Variants in SBF2 observed in about 807,000 individuals in gnomAD.
SBF2 encodes the protein SET binding factor 2.
SBF2 carries 112 observed loss-of-function variants against 225.2 expected under a neutral mutation model. The observed-to-expected ratio is 0.50, with a 90% CI of 0.43 to 0.58. SBF2 has a LOEUF of 0.58. Among genes scored for constraint, SBF2 ranks in the 20% least tolerant of loss-of-function variants. The pLI, the probability that SBF2 is intolerant of heterozygous loss-of-function variation, is 0.00. For missense variants in SBF2, 1,996 were observed against 2,206.2 expected, an observed-to-expected ratio of 0.90 and a Z score of 1.91; for synonymous variants, 763 against 773.3, an observed-to-expected ratio of 0.99 and a Z score of 0.22.
chr11:10,014,666 G>T (rs1948586889), intron 6 of SBF2, among the ~76,000 whole-genome samples: 1 of 152,010 alleles, frequency 6.6e-6, no homozygotes, highest in East Asian at 1.9e-4. Context: ...TTATTTGAAT[G>T]ACAGTAGAGT....
At chr11:10,102,683 A>T (rs1381503364) in intron 2 of SBF2, among the ~76,000 whole-genome samples, 1 of 152,160 alleles carries the variant, frequency 6.6e-6, no homozygotes, top group East Asian at 1.9e-4. Context: ...AAGTTGGCTA[A>T]GGTTTGAAGG....
At chr11:10,202,189 C>G (rs1420285342) in intron 1 of SBF2, among the ~76,000 whole-genome samples, 1 of 152,212 alleles carries the variant, frequency 6.6e-6, no homozygotes, top group African/African-American at 2.4e-5. Context: ...GCTGTGAAAA[C>G]TATATGGTTG....
chr11:9,887,798 T>C (rs1225401977), intron 17 of SBF2, among the ~76,000 whole-genome samples: 2 of 150,984 alleles, frequency 1.3e-5, no homozygotes, highest in Non-Finnish European at 2.9e-5. Flanking sequence ...CATCACCCAC[T>C]CCCTCCCCTA....
intron 2 of SBF2, among the ~76,000 whole-genome samples, chr11:10,175,079 G>A (rs982620028): frequency 4.6e-5 from 7 of 151,500 alleles, no homozygotes; most frequent in East Asian, 1.9e-4. Context: ...AAAGACCATC[G>A]AGACTAGGAA....
chr11:10,171,889 G>C (rs1472524520), intron 2 of SBF2, among the ~76,000 whole-genome samples: 3 of 152,002 alleles, frequency 2.0e-5, no homozygotes, highest in African/African-American at 7.2e-5. Flanking sequence ...GTAAATCTCT[G>C]GGAATTTATC....
At chr11:9,928,883 G>T in intron 16 of SBF2, 4 of 333,440 alleles carry the variant, frequency 1.2e-5, no homozygotes, top group African/African-American at 2.1e-5. Flanking sequence ...TTCATTTCAT[G>T]TTTTAGACTA....
chr11:10,107,977 A>G (rs1208520298), intron 2 of SBF2, among the ~76,000 whole-genome samples: 1 of 152,212 alleles, frequency 6.6e-6, no homozygotes, highest in African/African-American at 2.4e-5. Flanking sequence ...AATTGCAAAG[A>G]GGCATGAGAA....
At chr11:10,194,052 TCTTA>T (rs999740370) in intron 1 of SBF2, 65 bp from the exon 2 acceptor site, 6 of 979,216 alleles carry the variant, frequency 6.1e-6, no homozygotes, top group African/African-American at 4.9e-5. Context: ...CTCATTCTAC[TCTTA>T]CTTATTTCTA....
intron 2 of SBF2, among the ~76,000 whole-genome samples, chr11:10,118,894 T>C (rs895356766): frequency 2.5e-5 from 3 of 121,384 alleles, no homozygotes; most frequent in Non-Finnish European, 5.3e-5. Context: ...TCACCTGAAG[T>C]ACTGGAAGAA....
chr11:10,040,685 C>T (rs906902606), intron 3 of SBF2, among the ~76,000 whole-genome samples: 5 of 151,098 alleles, frequency 3.3e-5, no homozygotes, highest in African/African-American at 4.9e-5. Context: ...GTACTGTTTA[C>T]GTACTGTTCA....
chr11:10,243,148 T>C (rs1959398610), intron 1 of SBF2, among the ~76,000 whole-genome samples: 1 of 151,982 alleles, frequency 6.6e-6, no homozygotes, highest in African/African-American at 2.4e-5. Context: ...CCAGCCACAA[T>C]GGAATGAAAC....
At chr11:9,970,131 C>T (rs184283664) in intron 13 of SBF2, among the ~76,000 whole-genome samples, 121 of 152,148 alleles carry the variant, frequency 8.0e-4, no homozygotes, top group South Asian at 5.4e-3. Context: ...TTATTCTTTG[C>T]GACCAGAAAA....
chr11:10,223,303 A>G (rs1357841816), intron 1 of SBF2, among the ~76,000 whole-genome samples: 2 of 150,212 alleles, frequency 1.3e-5, no homozygotes, highest in Non-Finnish European at 3.0e-5. Flanking sequence ...GAGCCGTCAA[A>G]AATCTGCACA....
intron 17 of SBF2, among the ~76,000 whole-genome samples, chr11:9,887,947 A>G (rs1282448739): frequency 6.6e-6 from 1 of 152,192 alleles, no homozygotes; most frequent in African/African-American, 2.4e-5. Context: ...TCATTTACCA[A>G]TTAAAAGTGA....
chr11:10,293,948 G>GACGCCCGGCCCCGACGCCCGGCCCCGA, intron 1 of SBF2, 67 bp downstream of exon 1: 3 of 1,178,136 alleles, frequency 2.5e-6, no homozygotes, highest in Non-Finnish European at 3.2e-6. Flanking sequence ...GCCCGGCCCC[G>GACGCCCGGCCCCGACGCCCGGCCCCGA]CGGAGCCCAC....
Position 10,091,576 on chromosome 11 carries a change from A to G in SBF2, c.142-48595T>C, listed in dbSNP as rs965174851. ...ATAAGCTCTCAGGAATGTTGCCTGC[A>G]TACATAATAAAGCAAACAATTACTA... On this transcript the variant is annotated intron_variant, in intron 2 of 39. Transcript: ENST00000256190. 2.0e-5 allele frequency among the ~76,000 whole-genome samples: 3 copies of G among 152,340 alleles called. No homozygotes were observed. The South Asian group carries it at 6.2e-4, about 32-fold the overall frequency.
At chr11:10,058,956 T>C (rs1352135292) in intron 2 of SBF2, among the ~76,000 whole-genome samples, 2 of 152,102 alleles carry the variant, frequency 1.3e-5, no homozygotes, top group African/African-American at 2.4e-5. Flanking sequence ...GATAAGCAAA[T>C]ACTGAGGGAC....
chr11:10,099,640 C>T (rs768557644), intron 2 of SBF2, among the ~76,000 whole-genome samples: 1 of 151,872 alleles, frequency 6.6e-6, no homozygotes, highest in Non-Finnish European at 1.5e-5. Context: ...GTGACTATAG[C>T]CATAATAATT....
intron 16 of SBF2, among the ~76,000 whole-genome samples, chr11:9,906,132 T>C (rs2134168767): frequency 6.6e-6 from 1 of 152,352 alleles, no homozygotes; most frequent in East Asian, 1.9e-4. Flanking sequence ...ATGTCATCTG[T>C]GTCCTAGCAC....
Sources: gnomAD v4.1 joint callset for allele counts (sites outside exome capture counted in the v4.1 genomes callset) on GRCh38, gnomAD v4.1.1 for gene constraint, MANE v1.5 for transcripts, NCBI Gene and HGNC (gene_info 2026-07-23, HGNC 2026-07-21) for gene names.